The following ARMH3 variants were observed in gnomAD, a reference collection of about 807,000 sequenced individuals.
The protein encoded by ARMH3 is armadillo-like helical domain-containing protein 3.
ARMH3 carries 60 observed loss-of-function variants against 99.1 expected under a neutral mutation model. The observed-to-expected ratio is 0.61, with a 90% CI of 0.49 to 0.75. ARMH3 has a LOEUF of 0.75. Ranked by LOEUF, ARMH3 falls within the 30% of genes least tolerant of loss-of-function variation. The pLI is 0.00. For missense variants in ARMH3, 679 were observed against 843.1 expected (o/e 0.81, Z 2.41); for synonymous variants, 285 against 292.8 (o/e 0.97, Z 0.27).
chr10:102,012,890 G>T lies in ARMH3; in HGVS notation c.727-14C>A. The stretch of plus-strand genomic sequence containing the variant: ...AAGTCCCATTCCCTAGAAGGGAAAA[G>T]ATAGCACAGGTGAAATAAGACAGTA... On this transcript the variant is annotated splice_polypyrimidine_tract_variant and intron_variant, in intron 9 of 25. Coordinates refer to ENST00000370033, the MANE Select transcript of ARMH3 (RefSeq NM_024541.3). The T allele has an allele frequency of 6.2e-7, 1 of 1,600,676 alleles. No individual in the cohort carries two copies. Among genetic ancestry groups the T allele is most frequent in the African/African-American group, 1.3e-5 (1 of 74,738 alleles).
At chr10:101,918,781 T>C (rs1313216086) in intron 23 of ARMH3, among the ~76,000 whole-genome samples, 2 of 152,224 alleles carry the variant, frequency 1.3e-5, no homozygotes, top group African/African-American at 4.8e-5. Context: ...TCATTTGTAA[T>C]GTATCCCTAA....
chr10:101,935,534 C>T (rs1181735268), intron 23 of ARMH3, among the ~76,000 whole-genome samples: 8 of 152,142 alleles, frequency 5.3e-5, no homozygotes, highest in Admixed American at 5.2e-4. Flanking sequence ...CTTCCTGCTG[C>T]CTTTCACCTG....
chr10:102,034,849 G>A (rs1003169836), intron 2 of ARMH3, among the ~76,000 whole-genome samples: 9 of 150,810 alleles, frequency 6.0e-5, no homozygotes, highest in Non-Finnish European at 7.4e-5. Flanking sequence ...CAGAGGTCAC[G>A]GAGAGCTGAG....
At chr10:101,924,889 G>A (rs1369793136) in intron 23 of ARMH3, among the ~76,000 whole-genome samples, 2 of 152,124 alleles carry the variant, frequency 1.3e-5, no homozygotes, top group Non-Finnish European at 2.9e-5. Context: ...AGCTACTTGG[G>A]AGGCTGAGGC....
chr10:101,954,578 T>A (rs1307010359), intron 22 of ARMH3, among the ~76,000 whole-genome samples: 2 of 152,212 alleles, frequency 1.3e-5, no homozygotes, highest in East Asian at 3.8e-4. Context: ...GAAACTCTTC[T>A]ATATCTTGAT....
At chr10:101,962,480 T>G (rs1845342483) in intron 20 of ARMH3, among the ~76,000 whole-genome samples, 1 of 152,006 alleles carries the variant, frequency 6.6e-6, no homozygotes, top group East Asian at 1.9e-4. Context: ...TCAAACTACA[T>G]TCACCTCTTT....
intron 14 of ARMH3, 124 bp from the exon 15 acceptor site, chr10:102,002,196 G>T: frequency 7.1e-7 from 1 of 1,404,432 alleles, no homozygotes; most frequent in East Asian, 2.4e-5. Context: ...AACAGAGGGA[G>T]GACCAAGTGC....
At chr10:102,054,448 C>G (rs1232545847) in intron 1 of ARMH3, among the ~76,000 whole-genome samples, 4 of 151,746 alleles carry the variant, frequency 2.6e-5, no homozygotes, top group Non-Finnish European at 5.9e-5. Context: ...AATGAAAACA[C>G]CTTAAAGGCT....
At chr10:101,990,121 T>G (rs1173360070) in intron 19 of ARMH3, among the ~76,000 whole-genome samples, 1 of 151,862 alleles carries the variant, frequency 6.6e-6, no homozygotes, top group Non-Finnish European at 1.5e-5. Flanking sequence ...AAATGTTCCC[T>G]AACACTTCTC....
At chr10:101,860,508 T>C (rs2066841900) in intron 24 of ARMH3, among the ~76,000 whole-genome samples, 2 of 152,018 alleles carry the variant, frequency 1.3e-5, no homozygotes, top group South Asian at 4.2e-4. Context: ...TAAGGAGACA[T>C]ATAGGTGTTT....
intron 19 of ARMH3, among the ~76,000 whole-genome samples, chr10:101,976,631 T>C (rs1366691206): frequency 6.6e-6 from 1 of 152,122 alleles, no homozygotes; most frequent in Non-Finnish European, 1.5e-5. Context: ...AACACAAAAG[T>C]AAAGACCTTA....
chr10:101,976,093 C>A (rs1362879690), intron 19 of ARMH3, among the ~76,000 whole-genome samples: 1 of 141,512 alleles, frequency 7.1e-6, no homozygotes, highest in African/African-American at 2.6e-5. Flanking sequence ...GGCATGAACC[C>A]AGGAGGTGGA....
chr10:101,871,594 A>G (rs1174237293), intron 24 of ARMH3, among the ~76,000 whole-genome samples: 7 of 152,232 alleles, frequency 4.6e-5, no homozygotes, highest in African/African-American at 1.4e-4. Context: ...ATGGCAACAT[A>G]ACTGAATATT....
intron 2 of ARMH3, among the ~76,000 whole-genome samples, chr10:102,034,559 C>G (rs900519055): frequency 2.0e-5 from 3 of 151,398 alleles, no homozygotes; most frequent in African/African-American, 7.3e-5. Flanking sequence ...TGGCGTGAAC[C>G]TGGGAGGCGG....
chr10:102,022,088 T>C (rs1005367617), intron 8 of ARMH3, among the ~76,000 whole-genome samples: 2 of 152,124 alleles, frequency 1.3e-5, no homozygotes, highest in Admixed American at 6.5e-5. Context: ...CTAGGAGAAA[T>C]AGGCTATATC....
intron 8 of ARMH3, among the ~76,000 whole-genome samples, chr10:102,022,581 AT>A (rs1479106068): frequency 1.4e-5 from 2 of 146,718 alleles, no homozygotes; most frequent in Admixed American, 6.9e-5. Context: ...AAGATCCAGA[AT>A]TTTTTTCTTT....
At chr10:101,889,850 TCTGACTTGGG>T (rs1283083264) in intron 23 of ARMH3, 1 of 214,156 alleles carries the variant, frequency 4.7e-6, no homozygotes, top group Admixed American at 5.0e-5. Flanking sequence ...AGCTGTCTTG[TCTGACTTGGG>T]AGAACAGGGC....
At chr10:101,886,844 T>TAA (rs2067559166) in intron 24 of ARMH3, among the ~76,000 whole-genome samples, 1 of 152,196 alleles carries the variant, frequency 6.6e-6, no homozygotes, top group Admixed American at 6.5e-5. Flanking sequence ...GCTAACTTAC[T>TAA]AAATGTAACA....
chr10:102,034,112 C>T (rs2067195442), intron 2 of ARMH3, among the ~76,000 whole-genome samples: 1 of 152,184 alleles, frequency 6.6e-6, no homozygotes, highest in African/African-American at 2.4e-5. Context: ...ATTCAGATCA[C>T]CTCAGTAATA....
Sources: allele counts gnomAD v4.1 joint callset (sites outside exome capture counted in the v4.1 genomes callset), GRCh38; gene constraint gnomAD v4.1.1; transcripts MANE v1.5; gene names NCBI Gene and HGNC (gene_info 2026-07-23, HGNC 2026-07-21).